CILK1: variants seen among roughly 807,000 people sequenced by gnomAD.
CILK1 encodes serine/threonine-protein kinase ICK.
A neutral mutation model predicts 79.2 loss-of-function variants in CILK1; 47 were observed. The ratio of observed to expected loss-of-function variants is 0.59; its 90% CI spans 0.47 to 0.76. The LOEUF (loss-of-function observed/expected upper bound fraction) is 0.76. Ranked by LOEUF, CILK1 falls within the 30% of genes least tolerant of loss-of-function variation. CILK1 has a pLI of 0.00. For missense variants in CILK1, 660 were observed against 769.5 expected, an observed-to-expected ratio of 0.86 and a Z score of 1.68; for synonymous variants, 266 against 275.9, an observed-to-expected ratio of 0.96 and a Z score of 0.36.
At chr6:53,021,584 A>G (rs1765245583) in intron 5 of CILK1, among the ~76,000 whole-genome samples, 1 of 152,132 alleles carries the variant, frequency 6.6e-6, no homozygotes, top group East Asian at 1.9e-4. Flanking sequence ...TCCAACACTT[A>G]TCAATACATG....
intron 12 of CILK1, 103 bp from the exon 13 acceptor site, chr6:53,006,540 AC>A (rs1299114018): frequency 1.5e-6 from 2 of 1,301,726 alleles, no homozygotes; most frequent in Non-Finnish European, 2.2e-6. Context: ...CTAAGTTTTT[AC>A]TTTTAGGGAA....
intron 9 of CILK1, 27 bp from the exon 10 acceptor site, chr6:53,012,254 A>G: frequency 6.2e-7 from 1 of 1,609,290 alleles, no homozygotes; most frequent in Non-Finnish European, 8.5e-7. Flanking sequence ...GGTGGGGGAA[A>G]GCAATACTTG....
intron 1 of CILK1, among the ~76,000 whole-genome samples, chr6:53,059,561 C>G (rs1368311403): frequency 6.6e-6 from 1 of 152,126 alleles, no homozygotes; most frequent in East Asian, 1.9e-4. Context: ...GAGGTAGTTT[C>G]TAGGGAAAGC....
chr6:53,009,662 A>G (rs1490943991), intron 11 of CILK1, 95 bp from the exon 12 acceptor site: 1 of 1,093,772 alleles, frequency 9.1e-7, no homozygotes, highest in East Asian at 2.4e-5. Flanking sequence ...AATTTGTCAA[A>G]AACTCTCTAT....
chr6:53,049,084 A>C (rs1767301632), intron 1 of CILK1, among the ~76,000 whole-genome samples: 2 of 152,254 alleles, frequency 1.3e-5, no homozygotes, highest in South Asian at 4.1e-4. Context: ...AAAGAGGTTG[A>C]GTCCTTGATG....
chr6:53,039,642 T>C (rs1486425330), intron 2 of CILK1, among the ~76,000 whole-genome samples: 1 of 152,124 alleles, frequency 6.6e-6, no homozygotes, highest in Admixed American at 6.5e-5. Context: ...TGGGATGGGG[T>C]GCTGGCATGG....
intron 9 of CILK1, among the ~76,000 whole-genome samples, chr6:53,012,936 T>A (rs316145): frequency 2.0e-5 from 3 of 152,274 alleles, no homozygotes; most frequent in African/African-American, 4.8e-5. Context: ...AACACTCATT[T>A]TTTTCTTTTG....
chr6:53,031,417 G>T (rs1765952846), intron 4 of CILK1, among the ~76,000 whole-genome samples: 1 of 152,168 alleles, frequency 6.6e-6, no homozygotes, highest in Non-Finnish European at 1.5e-5. Flanking sequence ...AGGTCTTCCA[G>T]ATGAAGCCCT....
At chr6:53,013,405 C>T (rs1258511381) in intron 9 of CILK1, among the ~76,000 whole-genome samples, 1 of 152,220 alleles carries the variant, frequency 6.6e-6, no homozygotes, top group Non-Finnish European at 1.5e-5. Flanking sequence ...CCCTGGCAGT[C>T]TGGCTGCAGA....
chr6:53,042,663 A>G (rs1766793312), intron 1 of CILK1, among the ~76,000 whole-genome samples: 1 of 152,254 alleles, frequency 6.6e-6, no homozygotes, highest in Non-Finnish European at 1.5e-5. Context: ...TATAATAAAG[A>G]AACTGTAGTA....
rs532783975 is a variant in CILK1 at position 53,023,331 on chromosome 6, C to T, written c.359-3972G>A. ...CACAGTGGCAGGAGCACTGTGGTCTCATAATATACTCTTGCTGATTGAACA... is the reference window on the plus strand; with the variant it reads ...CACAGTGGCAGGAGCACTGTGGTCTTATAATATACTCTTGCTGATTGAACA... On this transcript the variant is annotated intron_variant, in intron 5 of 13. Transcript: ENST00000676107. Among the ~76,000 whole-genome samples, 5 of 152,246 alleles carry T rather than the reference C, an allele frequency of 3.3e-5. No individual in the cohort carries two copies. The East Asian group carries it at 9.6e-4, about 29-fold the overall frequency.
chr6:53,036,302 T>C (rs979453920), intron 3 of CILK1, among the ~76,000 whole-genome samples: 3 of 152,244 alleles, frequency 2.0e-5, no homozygotes, highest in Non-Finnish European at 4.4e-5. Flanking sequence ...TTATATCTGA[T>C]GTTTTCGGAT....
In CILK1 at chr6:53,051,873, GCTTA is replaced by G. The variant is rs1767502450; in HGVS notation, c.-173+9719_-173+9722del. On this transcript the variant is annotated intron_variant, in intron 1 of 13. Transcript: ENST00000676107. ...TTTAGAAATGAAATCAGAAATCTGT[GCTTA>G]CTTACCCAGCGAACAAGGACATTCT... The G allele has an allele frequency of 2.0e-5, 3 of 152,296 alleles. No homozygotes were observed. The East Asian group carries it at 5.8e-4, about 29-fold the overall frequency. The allele number at this position is 152,296 out of a possible 1,614,324, so 9.4% of individuals were successfully genotyped here. A position where few individuals can be genotyped will look rare whatever the true frequency, so the allele number is the denominator to read the frequency against.
chr6:53,050,495 A>G (rs950239923), intron 1 of CILK1, among the ~76,000 whole-genome samples: 1 of 151,032 alleles, frequency 6.6e-6, no homozygotes, highest in Non-Finnish European at 1.5e-5. Context: ...TACATTATAT[A>G]TAAGTATATA....
At chr6:53,009,658 T>A in intron 11 of CILK1, 91 bp from the exon 12 acceptor site, 1 of 1,099,352 alleles carries the variant, frequency 9.1e-7, no homozygotes, top group Non-Finnish European at 1.4e-6. Context: ...ACTCAATTTG[T>A]CAAAAACTCT....
chr6:53,016,298 T>G lies in CILK1; in HGVS notation c.664-48A>C, dbSNP rs549591330. 2.5e-6 allele frequency: 4 copies of G among 1,595,126 alleles called. No homozygotes were observed. In the South Asian group the frequency reaches 4.4e-5, roughly 18 times the overall value. On this transcript the variant is annotated intron_variant, in intron 7 of 13. Coordinates refer to ENST00000676107, the MANE Select transcript of CILK1 (RefSeq NM_014920.5). Reference sequence around the variant, plus strand: ...AATCTTGCTCAGCCAATTGCTGTGATATAAGTTTGTATTCTGGCATGTGTG... The same window carrying G: ...AATCTTGCTCAGCCAATTGCTGTGAGATAAGTTTGTATTCTGGCATGTGTG...
chr6:53,044,011 G>T (rs1218182150), intron 1 of CILK1, among the ~76,000 whole-genome samples: 1 of 152,110 alleles, frequency 6.6e-6, no homozygotes, highest in Non-Finnish European at 1.5e-5. Context: ...AAATTAGGGG[G>T]TGGGAAAGGG....
intron 2 of CILK1, among the ~76,000 whole-genome samples, chr6:53,039,654 C>A (rs562316543): frequency 2.3e-3 from 355 of 152,268 alleles, no homozygotes; most frequent in Non-Finnish European, 4.4e-3. Context: ...CTGGCATGGG[C>A]ATAGAGCTGT....
chr6:53,049,692 A>G (rs952078693), intron 1 of CILK1, among the ~76,000 whole-genome samples: 1 of 152,188 alleles, frequency 6.6e-6, no homozygotes, highest in Non-Finnish European at 1.5e-5. Context: ...GCTTCAGTCA[A>G]AGGCAACCAA....
Sources: allele counts gnomAD v4.1 joint callset (sites outside exome capture counted in the v4.1 genomes callset), GRCh38; gene constraint gnomAD v4.1.1; transcripts MANE v1.5; gene names NCBI Gene and HGNC (gene_info 2026-07-23, HGNC 2026-07-21).